Variants in CES5A observed in about 807,000 individuals in gnomAD.
CES5A encodes the protein carboxylesterase 5A.
In CES5A, 67 loss-of-function variants were observed where a neutral mutation model predicts 62.9. The observed-to-expected ratio is 1.07, with a 90% CI of 0.88 to 1.31. The LOEUF (loss-of-function observed/expected upper bound fraction) is 1.31, where lower values mean the gene tolerates loss of function less well. CES5A is among the 50% of genes most tolerant of loss of function. The probability of loss-of-function intolerance (pLI) is 0.00; values close to 1 mark genes in which losing one functional copy is unlikely to be tolerated. For synonymous variants in CES5A, 296 were observed against 280.8 expected (o/e 1.05, Z -0.54); for missense variants, 748 against 708.5 (o/e 1.06, Z -0.63).
chr16:55,907,686 C>T (rs1405954817), intron 1 of CES5A, among the ~76,000 whole-genome samples: 3 of 152,058 alleles, frequency 2.0e-5, no homozygotes, highest in Non-Finnish European at 2.9e-5. Context: ...AGGGCACCCT[C>T]ATTATTCTCA....
At chr16:55,929,588 TA>T (rs768523238), upstream of CES5A, among the ~76,000 whole-genome samples, 12 of 152,216 alleles carry the variant, frequency 7.9e-5, no homozygotes, top group Non-Finnish European at 4.4e-5. Context: ...GGAGACACCC[TA>T]AATACTCAGC....
intron 2 of CES5A, among the ~76,000 whole-genome samples, chr16:55,934,642 C>T (rs2034349349): frequency 1.3e-5 from 2 of 149,468 alleles, no homozygotes; most frequent in South Asian, 4.2e-4. Context: ...CAATAGAAAC[C>T]AAGAAATTGT....
chr16:55,883,720 T>A (rs532750029), intron 1 of CES5A, among the ~76,000 whole-genome samples: 1 of 152,340 alleles, frequency 6.6e-6, no homozygotes, highest in South Asian at 2.1e-4. Flanking sequence ...CTATTTCCGC[T>A]TCCCCAATGT....
chr16:55,902,193 G>T (rs563761312), intron 1 of CES5A, among the ~76,000 whole-genome samples: 19 of 152,220 alleles, frequency 1.2e-4, no homozygotes, highest in Non-Finnish European at 2.4e-4. Context: ...CGGCAGCAGG[G>T]GATGAGAAAT....
chr16:55,953,815 G>A (rs1331890976), intron 1 of CES5A, among the ~76,000 whole-genome samples: 2 of 152,076 alleles, frequency 1.3e-5, no homozygotes, highest in Non-Finnish European at 2.9e-5. Context: ...ATGTAGGCAC[G>A]CAATGTGTAA....
At chr16:55,935,432 G>A (rs2034363207) in intron 2 of CES5A, among the ~76,000 whole-genome samples, 1 of 152,214 alleles carries the variant, frequency 6.6e-6, no homozygotes, top group African/African-American at 2.4e-5. Flanking sequence ...ATTGATTCAA[G>A]TGTTAATCTC....
At chr16:55,933,034 T>C (rs1261072684) in intron 2 of CES5A, among the ~76,000 whole-genome samples, 2 of 152,224 alleles carry the variant, frequency 1.3e-5, no homozygotes, top group African/African-American at 4.8e-5. Context: ...ACTCAATACA[T>C]ACAGAGTTTA....
At chr16:55,863,309 G>A (rs778854279) in intron 6 of CES5A, 39 bp downstream of exon 6, 1 of 1,064,124 alleles carries the variant, frequency 9.4e-7, no homozygotes, top group African/African-American at 1.6e-5. Context: ...TCTGCTAACT[G>A]AGGAGAGGAA....
intron 1 of CES5A, among the ~76,000 whole-genome samples, chr16:55,951,806 T>C: frequency 6.6e-6 from 1 of 152,158 alleles, no homozygotes; most frequent in East Asian, 1.9e-4. Flanking sequence ...AAGCAAAAAC[T>C]GAAGGATATA....
At chr16:55,847,786 C>T (rs1421705719) in intron 11 of CES5A, among the ~76,000 whole-genome samples, 4 of 152,196 alleles carry the variant, frequency 2.6e-5, no homozygotes, top group Admixed American at 6.5e-5. Context: ...GTCATATTTC[C>T]GATCTTTTGC....
At chr16:55,849,571 G>A (rs1357284750) in intron 11 of CES5A, 53 bp downstream of exon 11, 15 of 1,592,094 alleles carry the variant, frequency 9.4e-6, no homozygotes, top group Non-Finnish European at 1.3e-5. Context: ...TTGCATCGTG[G>A]TGGGGTAAGC....
At chr16:55,870,079 C>A (rs1348975909) in intron 3 of CES5A, among the ~76,000 whole-genome samples, 1 of 152,198 alleles carries the variant, frequency 6.6e-6, no homozygotes, top group Non-Finnish European at 1.5e-5. Context: ...GCATCTAAAG[C>A]TCATAGAACA....
At chr16:55,864,593 C>T (rs1670265643) in intron 5 of CES5A, among the ~76,000 whole-genome samples, 1 of 152,098 alleles carries the variant, frequency 6.6e-6, no homozygotes, top group Non-Finnish European at 1.5e-5. Flanking sequence ...TAAAGGATGG[C>T]TAAAAAAATA....
Position 55,849,793 on chromosome 16 carries a change from G to T in CES5A, c.1274-20C>A, listed in dbSNP as rs1390133663. 2 of 1,612,410 alleles carry T rather than the reference G, an allele frequency of 1.2e-6. No homozygotes were observed. Among genetic ancestry groups the T allele is most frequent in the Non-Finnish European group, 1.7e-6 (2 of 1,179,402 alleles). On this transcript the variant is annotated intron_variant, in intron 10 of 12. Coordinates refer to ENST00000290567, the MANE Select transcript of CES5A (RefSeq NM_001143685.2). ...CAGCATCTGACAAAAGGTCAGGGAA[G>T]GTCAGGCATGCATGCAGCGCGGAGC...
chr16:55,910,450 T>C (rs1206437263), intron 1 of CES5A, among the ~76,000 whole-genome samples: 1 of 152,202 alleles, frequency 6.6e-6, no homozygotes, highest in East Asian at 1.9e-4. Flanking sequence ...ACCCCTTTCC[T>C]GAGGGCCTGT....
chr16:55,905,237 C>A (rs1330116291), intron 1 of CES5A, among the ~76,000 whole-genome samples: 1 of 152,168 alleles, frequency 6.6e-6, no homozygotes, highest in Non-Finnish European at 1.5e-5. Context: ...ACACAGACAA[C>A]TTCCTATGCA....
At chr16:55,903,685 C>A (rs574644764) in intron 1 of CES5A, among the ~76,000 whole-genome samples, 51 of 152,298 alleles carry the variant, frequency 3.3e-4, no homozygotes, top group African/African-American at 1.2e-3. Context: ...GCAGTGTTAT[C>A]AGGTGGGCTT....
At chr16:55,950,766 T>C (rs2034546013) in intron 1 of CES5A, among the ~76,000 whole-genome samples, 1 of 151,750 alleles carries the variant, frequency 6.6e-6, no homozygotes, top group Non-Finnish European at 1.5e-5. Flanking sequence ...TAGAAGTCTT[T>C]AGATTGAATG....
At chr16:55,952,905 C>G (rs535745855) in intron 1 of CES5A, among the ~76,000 whole-genome samples, 1 of 152,140 alleles carries the variant, frequency 6.6e-6, no homozygotes, top group Non-Finnish European at 1.5e-5. Context: ...TACTCTAACT[C>G]GTTCCATGTG....
Sources: gnomAD v4.1 joint callset for allele counts (sites outside exome capture counted in the v4.1 genomes callset) on GRCh38, gnomAD v4.1.1 for gene constraint, MANE v1.5 for transcripts, NCBI Gene and HGNC (gene_info 2026-07-23, HGNC 2026-07-21) for gene names.